The following TOX variants were observed in gnomAD, a reference collection of about 807,000 sequenced individuals.
TOX encodes the protein thymocyte selection-associated high mobility group box protein TOX.
In TOX, 11 loss-of-function variants were observed where a neutral mutation model predicts 53.7. The observed-to-expected ratio is 0.20, with a 90% CI of 0.13 to 0.34. The LOEUF (loss-of-function observed/expected upper bound fraction) is 0.34, where lower values mean the gene tolerates loss of function less well. TOX is among the 10% of genes least tolerant of loss of function. The pLI is 1.00. For missense variants in TOX, 570 were observed against 664.6 expected, an observed-to-expected ratio of 0.86 and a Z score of 1.56; for synonymous variants, 225 against 245.3, an observed-to-expected ratio of 0.92 and a Z score of 0.77.
chr8:59,055,822 A>C (rs1170784009), intron 1 of TOX, among the ~76,000 whole-genome samples: 7 of 152,198 alleles, frequency 4.6e-5, no homozygotes, highest in Admixed American at 3.9e-4. Context: ...CTGCATTCCT[A>C]GTACTTGCTC....
intron 3 of TOX, among the ~76,000 whole-genome samples, chr8:58,886,385 G>C (rs1001952821): frequency 1.3e-5 from 2 of 152,028 alleles, no homozygotes; most frequent in South Asian, 4.1e-4. Context: ...TGAAAGTGTT[G>C]ACATCACAGC....
chr8:59,113,998 C>G (rs1180994721), intron 1 of TOX, among the ~76,000 whole-genome samples: 5 of 152,102 alleles, frequency 3.3e-5, no homozygotes, highest in Admixed American at 2.6e-4. Flanking sequence ...GAGCCCATCA[C>G]AAAAAACGTA....
At chr8:58,998,278 C>T (rs887842138) in intron 1 of TOX, among the ~76,000 whole-genome samples, 1 of 150,928 alleles carries the variant, frequency 6.6e-6, no homozygotes, top group African/African-American at 2.4e-5. Context: ...CACTTGAGCT[C>T]AGGAGTTTGA....
In TOX at chr8:58,851,133, C is replaced by T. The variant is rs1279361356; in HGVS notation, c.693+391G>A. Among the ~76,000 whole-genome samples the T allele has an allele frequency of 6.7e-6, 1 of 148,510 alleles. No individual in the cohort carries two copies. Among genetic ancestry groups the T allele is most frequent in the Admixed American group, 6.8e-5 (1 of 14,734 alleles). The stretch of plus-strand genomic sequence containing the variant: ...CCACAAAGGTTTCATGTAACATCAT[C>T]ACCATACATCTCCTCTCTCTCTCTG... On this transcript the variant is annotated intron_variant, in intron 4 of 8. Transcript: ENST00000361421. This position sits in a 1 kb window ranked among gnomAD's most constrained non-coding sequence, Gnocchi z 4.4.
rs1355320361 is a variant in TOX at position 58,893,441 on chromosome 8, T to C, written c.412-41636A>G. On this transcript the variant is annotated intron_variant, in intron 3 of 8. Transcript: ENST00000361421. Reference sequence around the variant, plus strand: ...TGGTCCCTGAGTAACATGCACCACATTATCTAGTGATAGTGTTTTCAAAGT... The same window carrying C: ...TGGTCCCTGAGTAACATGCACCACACTATCTAGTGATAGTGTTTTCAAAGT... Among the ~76,000 whole-genome samples, 3 of 152,336 alleles carry C rather than the reference T, an allele frequency of 2.0e-5. No homozygotes were observed. The South Asian group carries it at 6.2e-4, about 32-fold the overall frequency.
intron 2 of TOX, among the ~76,000 whole-genome samples, chr8:58,940,324 C>G (rs144069615): frequency 0.012 from 1,751 of 149,720 alleles, 21 homozygotes; most frequent in African/African-American, 0.04. Context: ...AAATAAATAG[C>G]ATTAACATAT....
chr8:59,054,962 G>T (rs1243820782), intron 1 of TOX, among the ~76,000 whole-genome samples: 1 of 134,532 alleles, frequency 7.4e-6, no homozygotes. Context: ...AGGAGGGAGG[G>T]AGGAAGGAAG....
Position 58,998,043 on chromosome 8 carries a change from C to T in TOX, c.103-38035G>A, listed in dbSNP as rs531398293. Among the ~76,000 whole-genome samples, 4 of 152,206 alleles carry T rather than the reference C, an allele frequency of 2.6e-5. No individual in the cohort carries two copies. In the South Asian group the frequency reaches 6.2e-4, roughly 24 times the overall value. On this transcript the variant is annotated intron_variant, in intron 1 of 8. Transcript: ENST00000361421. ...TCCTGACCTCGTGATCCGCCCGCCT[C>T]GGCCTGGAAACTGCTTTTTTAACCC...
At chr8:58,975,802 A>G (rs1307611828) in intron 1 of TOX, among the ~76,000 whole-genome samples, 1 of 152,092 alleles carries the variant, frequency 6.6e-6, no homozygotes, top group Non-Finnish European at 1.5e-5. Context: ...GGCCAGGCGC[A>G]GTGGCTCAAT....
At chr8:59,013,384 A>G (rs889275466) in intron 1 of TOX, among the ~76,000 whole-genome samples, 15 of 150,066 alleles carry the variant, frequency 1.0e-4, no homozygotes, top group African/African-American at 3.7e-4. Flanking sequence ...AAAACTCTGT[A>G]GGCTTTAAGT....
Position 58,814,104 on chromosome 8 carries a change from T to C in TOX, c.1392+1234A>G, listed in dbSNP as rs185082515. On this transcript the variant is annotated intron_variant, in intron 7 of 8. Coordinates refer to ENST00000361421, the MANE Select transcript of TOX (RefSeq NM_014729.3). ...AAGAAGAGGTGGTGTATTAAAAGCA[T>C]TGGGCTTGTTACTGTGAGCTCTCAA... 1.1e-3 allele frequency among the ~76,000 whole-genome samples: 172 copies of C among 152,282 alleles called. 1 individual carries two copies. The highest frequency in any genetic ancestry group is 4.0e-3 in the African/African-American group (168 of 41,564).
chr8:58,973,057 A>G (rs981189655), intron 1 of TOX, among the ~76,000 whole-genome samples: 1 of 152,218 alleles, frequency 6.6e-6, no homozygotes, highest in South Asian at 2.1e-4. Flanking sequence ...TTAGAACAAG[A>G]TTAAATTATC....
intron 3 of TOX, among the ~76,000 whole-genome samples, chr8:58,878,022 G>T: frequency 6.6e-6 from 1 of 152,104 alleles, no homozygotes; most frequent in East Asian, 1.9e-4. Flanking sequence ...GTATGGAAAG[G>T]TTCCTGGCAA....
At chr8:58,982,379 G>A (rs1022025098) in intron 1 of TOX, among the ~76,000 whole-genome samples, 2 of 152,158 alleles carry the variant, frequency 1.3e-5, no homozygotes, top group African/African-American at 4.8e-5. Context: ...TTTCGGGGAG[G>A]ATTACTCTGC....
At chr8:58,856,355 T>C (rs1810915844) in intron 3 of TOX, among the ~76,000 whole-genome samples, 2 of 152,116 alleles carry the variant, frequency 1.3e-5, no homozygotes, top group Non-Finnish European at 2.9e-5. Flanking sequence ...GACTAATGCA[T>C]TTTTCAATCC....
chr8:58,869,179 A>T (rs1312086539), intron 3 of TOX, among the ~76,000 whole-genome samples: 1 of 141,790 alleles, frequency 7.1e-6, no homozygotes, highest in Non-Finnish European at 1.5e-5. Flanking sequence ...GTGAGCTGAG[A>T]TTGCACCACT....
chr8:59,012,322 A>G (rs1373665999), intron 1 of TOX, among the ~76,000 whole-genome samples: 1 of 152,116 alleles, frequency 6.6e-6, no homozygotes, highest in Non-Finnish European at 1.5e-5. Context: ...CATTTCAGCA[A>G]TAAGTTTGAG....
intron 1 of TOX, among the ~76,000 whole-genome samples, chr8:59,067,246 T>C (rs1433468272): frequency 6.6e-6 from 1 of 152,082 alleles, no homozygotes; most frequent in South Asian, 2.1e-4. Context: ...TAAACAATGC[T>C]CTCATTTAAA....
At chr8:58,842,307 T>C (rs1380715088) in intron 4 of TOX, among the ~76,000 whole-genome samples, 1 of 152,058 alleles carries the variant, frequency 6.6e-6, no homozygotes, top group African/African-American at 2.4e-5. Flanking sequence ...GGGTCCTGGA[T>C]AGAACAAAAA....
Sources: gnomAD v4.1 joint callset for allele counts (sites outside exome capture counted in the v4.1 genomes callset) on GRCh38, gnomAD v4.1.1 for gene constraint, Gnocchi (gnomAD v3.1) non-coding constraint, MANE v1.5 for transcripts, NCBI Gene and HGNC (gene_info 2026-07-23, HGNC 2026-07-21) for gene names.